The following CIT variants were observed in gnomAD, a reference collection of about 807,000 sequenced individuals.
CIT encodes the protein citron rho-interacting serine/threonine kinase.
A neutral mutation model predicts 272.7 loss-of-function variants in CIT; 79 were observed. The observed-to-expected ratio is 0.29, with a 90% CI of 0.24 to 0.35. CIT has a LOEUF of 0.35. Among genes scored for constraint, CIT ranks in the 10% least tolerant of loss-of-function variants. CIT has a pLI of 1.00. For synonymous variants in CIT, 948 were observed against 995.6 expected, an observed-to-expected ratio of 0.95 and a Z score of 0.90; for missense variants, 1,909 against 2,618.3, an observed-to-expected ratio of 0.73 and a Z score of 5.91.
intron 5 of CIT, among the ~76,000 whole-genome samples, chr12:119,846,982 A>G (rs1419174981): frequency 7.8e-6 from 1 of 128,556 alleles, no homozygotes; most frequent in Non-Finnish European, 1.8e-5. Flanking sequence ...GTTTCAAGGG[A>G]ACGTCTTTTT....
intron 17 of CIT, among the ~76,000 whole-genome samples, chr12:119,772,347 A>G (rs1171093815): frequency 6.6e-6 from 1 of 152,230 alleles, no homozygotes; most frequent in African/African-American, 2.4e-5. Flanking sequence ...AAGAGGCCCA[A>G]AAATATAGAT....
intron 9 of CIT, among the ~76,000 whole-genome samples, chr12:119,807,289 C>A (rs1365256415): frequency 6.6e-6 from 1 of 152,112 alleles, no homozygotes; most frequent in Admixed American, 6.5e-5. Flanking sequence ...TAATGGGGCA[C>A]AGAAAGAGAG....
chr12:119,846,909 A>G (rs1004486402), intron 5 of CIT, among the ~76,000 whole-genome samples: 8 of 152,046 alleles, frequency 5.3e-5, no homozygotes, highest in East Asian at 3.9e-4. Flanking sequence ...AAGAAAGAAA[A>G]AAATACGTAT....
intron 1 of CIT, among the ~76,000 whole-genome samples, 158 bp downstream of exon 1, chr12:119,877,090 GC>G (rs1422309332): frequency 6.6e-6 from 1 of 152,126 alleles, no homozygotes; most frequent in Non-Finnish European, 1.5e-5. Flanking sequence ...CGCACAGCTA[GC>G]CCCGGAAGAC....
At chr12:119,794,573 GCA>G (rs1189618671) in intron 10 of CIT, among the ~76,000 whole-genome samples, 3 of 152,166 alleles carry the variant, frequency 2.0e-5, no homozygotes, top group Admixed American at 1.3e-4. Context: ...CTTCCCACTG[GCA>G]CTGGATCCTA....
At chr12:119,798,970 TG>T (rs887478744) in intron 10 of CIT, among the ~76,000 whole-genome samples, 2 of 152,228 alleles carry the variant, frequency 1.3e-5, no homozygotes, top group African/African-American at 4.8e-5. Flanking sequence ...TTCAACTTGA[TG>T]GGAAGGTACC....
chr12:119,762,111 C>G (rs547488189), intron 19 of CIT, among the ~76,000 whole-genome samples: 2 of 152,138 alleles, frequency 1.3e-5, no homozygotes, highest in Non-Finnish European at 2.9e-5. Context: ...CCAACAATGT[C>G]TATTGTGAAA....
intron 9 of CIT, among the ~76,000 whole-genome samples, chr12:119,822,423 A>G (rs941707551): frequency 3.3e-5 from 5 of 152,242 alleles, no homozygotes; most frequent in Admixed American, 6.5e-5. Context: ...GTTTAAACTC[A>G]GCCATTAGCA....
Position 119,728,730 on chromosome 12 carries a change from G to T in CIT, c.3487-124C>A. 1 of 683,892 alleles carries T rather than the reference G, an allele frequency of 1.5e-6. No homozygotes were observed. Among genetic ancestry groups the T allele is most frequent in the South Asian group, 1.9e-5 (1 of 51,832 alleles). 42.4% of individuals were successfully genotyped at this position (683,892 alleles called of 1,614,324 possible). On this transcript the variant is annotated intron_variant, in intron 27 of 47. Coordinates refer to ENST00000392521, the MANE Select transcript of CIT (RefSeq NM_001206999.2). This position sits in a 1 kb window ranked among gnomAD's most constrained non-coding sequence, Gnocchi z 4.3. Reference sequence around the variant, plus strand: ...GAGTTCTAAAGGTCAGAACGTAAAGGTTGCTTTTTTCTAAATACAGAAGTC... The same window carrying T: ...GAGTTCTAAAGGTCAGAACGTAAAGTTTGCTTTTTTCTAAATACAGAAGTC...
rs1023133730 is a variant in CIT at position 119,757,662 on chromosome 12, G to A, written c.2532-117C>T. 196 of 1,290,128 alleles carry A rather than the reference G, an allele frequency of 1.5e-4. 1 individual carries two copies. The highest frequency in any genetic ancestry group is 6.0e-5 in the Non-Finnish European group (56 of 933,202). The allele number at this position is 1,290,128 out of a possible 1,614,324, so 79.9% of individuals were successfully genotyped here. On this transcript the variant is annotated intron_variant, in intron 21 of 47. Coordinates refer to ENST00000392521, the MANE Select transcript of CIT (RefSeq NM_001206999.2). ...CATGTCTCCTCACTAAGTGGACTAG[G>A]GCCATTCCTGGGTTAGCTGTCTCCT...
At chr12:119,737,201 G>T (rs894917659) in intron 24 of CIT, among the ~76,000 whole-genome samples, 1 of 150,388 alleles carries the variant, frequency 6.6e-6, no homozygotes, top group African/African-American at 2.4e-5. Flanking sequence ...CAGCTACTCG[G>T]GAGGCTGAGG....
intron 9 of CIT, among the ~76,000 whole-genome samples, chr12:119,806,176 A>G (rs920560704): frequency 1.3e-4 from 20 of 151,182 alleles, no homozygotes; most frequent in African/African-American, 4.6e-4. Context: ...AGAGAAGTCA[A>G]TGTGAAATAT....
At chr12:119,707,326 C>T (rs1043500842) in intron 40 of CIT, among the ~76,000 whole-genome samples, 3 of 152,114 alleles carry the variant, frequency 2.0e-5, no homozygotes, top group African/African-American at 4.8e-5. Context: ...AATTATTTCA[C>T]GTGCCTAAAG....
rs1326972329 is a variant in CIT at position 119,712,680 on chromosome 12, A to G, written c.4595T>C (p.Val1532Ala). 1.2e-6 allele frequency: 2 copies of G among 1,613,962 alleles called. No homozygotes were observed. The highest frequency in any genetic ancestry group is 1.7e-6 in the Non-Finnish European group (2 of 1,179,990). ...NEAREAGQRP[V>A]EEFELCLPDG... ...GGGAAGGCACAGCTCAAATTCTTCC[A>G]CCGGCCTCTGTCCAGCTTGGTGCAA... The change falls in exon 36 of 48, where the codon GTG becomes GCG. Residue 1532 changes from valine (V) to alanine (A), a missense_variant. Transcript: ENST00000392521. The surrounding 1 kb of genome is among the most constrained non-coding windows in gnomAD (Gnocchi z 5.2).
Position 119,720,494 on chromosome 12 carries a change from G to T in CIT, c.3824C>A (p.Pro1275His). The T allele has an allele frequency of 1.2e-6, 2 of 1,606,596 alleles. No homozygotes were observed. The highest frequency in any genetic ancestry group is 1.7e-6 in the Non-Finnish European group (2 of 1,177,956). The change falls in exon 30 of 48, where the codon CCT (proline) becomes CAT (histidine). Residue 1275 changes from proline to histidine, a missense_variant. By Grantham distance (77) the Pro-to-His change is moderately conservative. Coordinates refer to ENST00000392521, the MANE Select transcript of CIT (RefSeq NM_001206999.2). ...IDFLQAKMDQ[P>H]AKKKKGLFSR... Reference sequence around the variant, plus strand: ...TTGACTCACCTTTTTCTTTTTAGCAGGTTGGTCCATTTTGGCTTGCAGAAA... The same window carrying T: ...TTGACTCACCTTTTTCTTTTTAGCATGTTGGTCCATTTTGGCTTGCAGAAA...
intron 9 of CIT, among the ~76,000 whole-genome samples, chr12:119,819,229 G>T (rs1284479641): frequency 6.6e-6 from 1 of 152,200 alleles, no homozygotes; most frequent in Non-Finnish European, 1.5e-5. Context: ...TGAGAGCCTG[G>T]TGACCCATGA....
chr12:119,721,819 C>T (rs769097482), intron 28 of CIT, among the ~76,000 whole-genome samples: 1 of 152,176 alleles, frequency 6.6e-6, no homozygotes, highest in African/African-American at 2.4e-5. Context: ...AGTGCCATGA[C>T]AACTAAGTTC....
In CIT at chr12:119,734,232, A is replaced by G. The variant is rs945698927; in HGVS notation, c.3282T>C (p.Asp1094=). Residue 1094 remains aspartate, a synonymous_variant, in exon 26 of 48, where the codon GAT becomes GAC. Transcript: ENST00000392521. ...QWEAWRSVLG[D]EKSQFECRVR... ...CCCGACACTCAAACTGGGATTTCTCATCACCCAGGACGCTCCTCCAGGCCT... is the reference window on the plus strand; with the variant it reads ...CCCGACACTCAAACTGGGATTTCTCGTCACCCAGGACGCTCCTCCAGGCCT... 2 of 1,612,808 alleles carry G rather than the reference A, an allele frequency of 1.2e-6. No individual in the cohort carries two copies. The highest frequency in any genetic ancestry group is 1.7e-5 in the Admixed American group (1 of 59,980).
At chr12:119,705,778 A>C in intron 40 of CIT, among the ~76,000 whole-genome samples, 1 of 121,604 alleles carries the variant, frequency 8.2e-6, no homozygotes, top group East Asian at 2.0e-4. Flanking sequence ...TCTCAAAAAA[A>C]AAAAAAAAAA....
Sources: allele counts gnomAD v4.1 joint callset (sites outside exome capture counted in the v4.1 genomes callset), GRCh38; gene constraint gnomAD v4.1.1; non-coding constraint Gnocchi (gnomAD v3.1); transcripts MANE v1.5; gene names NCBI Gene and HGNC (gene_info 2026-07-23, HGNC 2026-07-21).